SCN8A: variants seen among roughly 807,000 people sequenced by gnomAD.
The protein encoded by SCN8A is sodium channel protein type 8 subunit alpha.
A neutral mutation model predicts 184.1 loss-of-function variants in SCN8A; 30 were observed. The observed-to-expected ratio is 0.16, with a 90% CI of 0.12 to 0.22. SCN8A has a LOEUF of 0.22. Among genes scored for constraint, SCN8A ranks in the 10% least tolerant of loss-of-function variants. The probability of loss-of-function intolerance (pLI) is 1.00; values close to 1 mark genes in which losing one functional copy is unlikely to be tolerated. For synonymous variants in SCN8A, 852 were observed against 907.0 expected, an observed-to-expected ratio of 0.94 and a Z score of 1.09; for missense variants, 1,057 against 2,498.9, an observed-to-expected ratio of 0.42 and a Z score of 12.30.
At chr12:51,777,690 T>C (rs1157552504) in intron 20 of SCN8A, among the ~76,000 whole-genome samples, 6 of 152,188 alleles carry the variant, frequency 3.9e-5, no homozygotes, top group Non-Finnish European at 8.8e-5. Context: ...AGCCACTGAA[T>C]TGGCCTTTAG....
Position 51,701,131 on chromosome 12 carries a change from C to G in SCN8A, c.929-13C>G. The G allele has an allele frequency of 6.2e-7, 1 of 1,609,480 alleles. No individual in the cohort carries two copies. The highest frequency in any genetic ancestry group is 1.3e-5 in the African/African-American group (1 of 74,934). On this transcript the variant is annotated splice_polypyrimidine_tract_variant and intron_variant, in intron 7 of 26. Transcript: ENST00000627620. ...TCTGCCTGTTCATTTCCTGCCTCTTCAAACTTTTCTAGCAAATTTCTACAC... is the reference window on the plus strand; with the variant it reads ...TCTGCCTGTTCATTTCCTGCCTCTTGAAACTTTTCTAGCAAATTTCTACAC...
chr12:51,633,563 C>G (rs1940247493), intron 1 of SCN8A, among the ~76,000 whole-genome samples: 2 of 152,178 alleles, frequency 1.3e-5, no homozygotes, highest in South Asian at 4.1e-4. Context: ...CTCTGTCTTT[C>G]CTGCTGCATG....
intron 14 of SCN8A, 99 bp from the exon 15 acceptor site, chr12:51,762,404 A>T: frequency 1.8e-6 from 2 of 1,132,834 alleles, no homozygotes; most frequent in Non-Finnish European, 2.5e-6. Flanking sequence ...ACTAAGGTTA[A>T]CTCTTGAGGT....
chr12:51,770,814 G>C (rs977481164), intron 19 of SCN8A, 131 bp downstream of exon 19: 1 of 918,046 alleles, frequency 1.1e-6, no homozygotes, highest in Admixed American at 2.5e-5. Flanking sequence ...AGAATGATCT[G>C]TTAAAGTGCT....
chr12:51,639,832 G>GTT (rs200397804), intron 1 of SCN8A, among the ~76,000 whole-genome samples: 37 of 58,174 alleles, frequency 6.4e-4, no homozygotes, highest in South Asian at 4.3e-3. Flanking sequence ...GTGATCATTA[G>GTT]TTTTTTTTTT....
At chr12:51,770,406 C>A in intron 18 of SCN8A, 123 bp from the exon 19 acceptor site, 1 of 1,096,588 alleles carries the variant, frequency 9.1e-7, no homozygotes, top group Non-Finnish European at 1.3e-6. Flanking sequence ...CATTCTGATT[C>A]AGCCACTGTC....
chr12:51,593,586 G>T (rs1939279467), intron 1 of SCN8A, among the ~76,000 whole-genome samples: 1 of 152,200 alleles, frequency 6.6e-6, no homozygotes, highest in Non-Finnish European at 1.5e-5. Flanking sequence ...TGGGTTGCCT[G>T]TGTTTAGGCT....
At chr12:51,687,062 T>G in intron 4 of SCN8A, 29 bp from the exon 5 acceptor site, 2 of 1,612,270 alleles carry the variant, frequency 1.2e-6, no homozygotes, top group Non-Finnish European at 8.5e-7. Flanking sequence ...TGTCCAGAAA[T>G]TACCTCAAGC....
At chr12:51,622,734 T>G (rs1232551348) in intron 1 of SCN8A, among the ~76,000 whole-genome samples, 1 of 152,202 alleles carries the variant, frequency 6.6e-6, no homozygotes, top group Non-Finnish European at 1.5e-5. Context: ...CTTTCTATAC[T>G]GCATTCTTTG....
At chr12:51,603,488 C>G (rs1347005584) in intron 1 of SCN8A, among the ~76,000 whole-genome samples, 1 of 152,154 alleles carries the variant, frequency 6.6e-6, no homozygotes, top group Non-Finnish European at 1.5e-5. Flanking sequence ...AATAGTACTT[C>G]TGCAAACATT....
chr12:51,623,169 T>C (rs1939999930), intron 1 of SCN8A, among the ~76,000 whole-genome samples: 2 of 152,192 alleles, frequency 1.3e-5, no homozygotes, highest in Admixed American at 1.3e-4. Context: ...GTTCTTTTTA[T>C]TGGAGAAACC....
chr12:51,750,046 T>A (rs1332647231), intron 13 of SCN8A, among the ~76,000 whole-genome samples: 1 of 152,216 alleles, frequency 6.6e-6, no homozygotes, highest in Non-Finnish European at 1.5e-5. Context: ...GCTTCATACC[T>A]AGATTGTTGT....
At chr12:51,794,137 C>T (rs1938344269) in intron 25 of SCN8A, among the ~76,000 whole-genome samples, 1 of 152,150 alleles carries the variant, frequency 6.6e-6, no homozygotes, top group African/African-American at 2.4e-5. Flanking sequence ...CAGAATGAGA[C>T]TGTGTCTCAA....
intron 11 of SCN8A, among the ~76,000 whole-genome samples, chr12:51,715,526 T>C (rs1941950025): frequency 1.3e-5 from 2 of 151,906 alleles, no homozygotes; most frequent in South Asian, 4.2e-4. Context: ...CCTGGCACTT[T>C]GGGAGGCTGA....
chr12:51,706,731 T>C lies in SCN8A; in HGVS notation c.1635+16T>C. 3 of 1,483,556 alleles carry C rather than the reference T, an allele frequency of 2.0e-6. No homozygotes were observed. The highest frequency in any genetic ancestry group is 2.7e-6 in the Non-Finnish European group (3 of 1,118,722). 91.9% of individuals were successfully genotyped at this position (1,483,556 alleles called of 1,614,324 possible). On this transcript the variant is annotated intron_variant, in intron 11 of 26. Coordinates refer to ENST00000627620, the MANE Select transcript of SCN8A (RefSeq NM_001330260.2). ...CATGAATCAGGTAAACTCTTCTTTT[T>C]TCTATACCTTTTTCAAAAATGTATT...
At chr12:51,626,736 C>G (rs1285771096) in intron 1 of SCN8A, among the ~76,000 whole-genome samples, 1 of 151,734 alleles carries the variant, frequency 6.6e-6, no homozygotes, top group Non-Finnish European at 1.5e-5. Flanking sequence ...TTTTCTTTCT[C>G]TTACCTCTCC....
chr12:51,633,834 T>C (rs1940254120), intron 1 of SCN8A, among the ~76,000 whole-genome samples: 1 of 152,248 alleles, frequency 6.6e-6, no homozygotes. Flanking sequence ...AATATCTCTG[T>C]ATAATTGTAT....
chr12:51,752,951 C>T (rs1318874856), intron 14 of SCN8A, among the ~76,000 whole-genome samples: 3 of 152,020 alleles, frequency 2.0e-5, no homozygotes, highest in Non-Finnish European at 4.4e-5. Flanking sequence ...CTTTACTTTT[C>T]CTTACTTTTT....
intron 16 of SCN8A, among the ~76,000 whole-genome samples, chr12:51,768,623 T>C (rs2138867589): frequency 6.6e-6 from 1 of 152,278 alleles, no homozygotes; most frequent in East Asian, 1.9e-4. Flanking sequence ...CGGGTACATA[T>C]ATATGTATGT....
Sources: gnomAD v4.1 joint callset for allele counts (sites outside exome capture counted in the v4.1 genomes callset) on GRCh38, gnomAD v4.1.1 for gene constraint, MANE v1.5 for transcripts, NCBI Gene and HGNC (gene_info 2026-07-23, HGNC 2026-07-21) for gene names.